The following PAM variants were observed in gnomAD, a reference collection of about 807,000 sequenced individuals.
PAM encodes the protein peptidyl-glycine alpha-amidating monooxygenase.
In PAM, 72 loss-of-function variants were observed where a neutral mutation model predicts 122.1. That is an observed-to-expected ratio of 0.59 (90% CI 0.49 to 0.72). PAM has a LOEUF of 0.72. Ranked by LOEUF, PAM falls within the 30% of genes least tolerant of loss-of-function variation. The probability of loss-of-function intolerance (pLI) is 0.00; values close to 1 mark genes in which losing one functional copy is unlikely to be tolerated. For synonymous variants in PAM, 389 were observed against 404.4 expected (o/e 0.96, Z 0.46); for missense variants, 1,106 against 1,183.7 (o/e 0.93, Z 0.96).
At chr5:102,971,813 C>A (rs555392584) in intron 14 of PAM, among the ~76,000 whole-genome samples, 1 of 152,212 alleles carries the variant, frequency 6.6e-6, no homozygotes, top group Non-Finnish European at 1.5e-5. Context: ...GTTAACATTT[C>A]AGGATTCCAT....
At chr5:103,017,494 T>G in intron 22 of PAM, 61 bp downstream of exon 22, 1 of 987,482 alleles carries the variant, frequency 1.0e-6, no homozygotes, top group Middle Eastern at 2.1e-4. Flanking sequence ...TAAAAGCATA[T>G]GAAACAAAAA....
chr5:102,770,653 T>TGATA (rs1192441574), intron 1 of PAM, among the ~76,000 whole-genome samples: 1 of 152,184 alleles, frequency 6.6e-6, no homozygotes, highest in Non-Finnish European at 1.5e-5. Context: ...TCTGTTAAGA[T>TGATA]GATATATCAC....
chr5:102,995,450 A>G (rs1296033430), intron 16 of PAM, among the ~76,000 whole-genome samples: 1 of 152,154 alleles, frequency 6.6e-6, no homozygotes, highest in Non-Finnish European at 1.5e-5. Flanking sequence ...CAATCCTAGT[A>G]AGAGAAAATC....
At chr5:102,824,680 A>G (rs917178011) in intron 1 of PAM, among the ~76,000 whole-genome samples, 3 of 152,232 alleles carry the variant, frequency 2.0e-5, no homozygotes, top group Non-Finnish European at 4.4e-5. Context: ...TGCTCAATAC[A>G]TGCTAAATGT....
chr5:103,002,738 A>T (rs1197690841), intron 16 of PAM, among the ~76,000 whole-genome samples: 1 of 152,190 alleles, frequency 6.6e-6, no homozygotes, highest in Non-Finnish European at 1.5e-5. Context: ...CTCAAACCCC[A>T]GTGAGCATAG....
intron 4 of PAM, 48 bp from the exon 5 acceptor site, chr5:102,913,886 C>A: frequency 1.9e-6 from 2 of 1,042,522 alleles, no homozygotes; most frequent in Admixed American, 1.7e-5. Context: ...CTTTGGTGCA[C>A]AGAAGTGTAA....
At chr5:102,827,327 A>T (rs1401153762) in intron 1 of PAM, among the ~76,000 whole-genome samples, 1 of 152,222 alleles carries the variant, frequency 6.6e-6, no homozygotes, top group Non-Finnish European at 1.5e-5. Flanking sequence ...CCAAAAAAAA[A>T]TCCAAAACCT....
At chr5:102,808,478 T>G (rs961553823) in intron 1 of PAM, among the ~76,000 whole-genome samples, 1 of 152,204 alleles carries the variant, frequency 6.6e-6, no homozygotes, top group African/African-American at 2.4e-5. Context: ...CGCCTGCTAC[T>G]CTCCCTGGTA....
chr5:102,919,638 G>A (rs1481889338), intron 5 of PAM, among the ~76,000 whole-genome samples: 4 of 152,136 alleles, frequency 2.6e-5, no homozygotes, highest in African/African-American at 9.7e-5. Flanking sequence ...GTCATTGAGT[G>A]CAGTAGCAAT....
At chr5:102,918,479 T>C (rs1415576596) in intron 5 of PAM, among the ~76,000 whole-genome samples, 1 of 152,120 alleles carries the variant, frequency 6.6e-6, no homozygotes, top group Non-Finnish European at 1.5e-5. Flanking sequence ...ATTTACTATT[T>C]AAGTAAATTT....
At chr5:102,938,081 A>G (rs1010154012) in intron 7 of PAM, among the ~76,000 whole-genome samples, 1 of 152,134 alleles carries the variant, frequency 6.6e-6, no homozygotes, top group Non-Finnish European at 1.5e-5. Flanking sequence ...ATTATACACA[A>G]GCAGCTTGAT....
chr5:103,027,414 C>T (rs543950969), intron 24 of PAM, among the ~76,000 whole-genome samples: 3 of 152,240 alleles, frequency 2.0e-5, no homozygotes, highest in South Asian at 2.1e-4. Context: ...ACAGGACAAC[C>T]CCAGGCCTGA....
At chr5:102,994,699 A>C (rs1408292051) in intron 16 of PAM, among the ~76,000 whole-genome samples, 1 of 152,162 alleles carries the variant, frequency 6.6e-6, no homozygotes, top group Non-Finnish European at 1.5e-5. Flanking sequence ...GTTTATGCTT[A>C]TGCAGTGTTT....
chr5:102,974,196 A>G lies in PAM; in HGVS notation c.1243A>G (p.Lys415Glu). 6.2e-7 allele frequency: 1 copy of G among 1,613,928 alleles called. No individual in the cohort carries two copies. The highest frequency in any genetic ancestry group is 8.5e-7 in the Non-Finnish European group (1 of 1,179,864). ...VHVHKYNPTE[K>E]AESESDLVAE... ...TGTGCACAAATATAATCCTACAGAA[A>G]AGGCAGAATCAGAGTCAGACCTGGT... The change falls in exon 15 of 26, where the codon AAG becomes GAG. Residue 415 changes from lysine to glutamate, a missense_variant. Transcript: ENST00000438793.
At chr5:102,780,523 G>A (rs1758432809) in intron 1 of PAM, among the ~76,000 whole-genome samples, 1 of 151,978 alleles carries the variant, frequency 6.6e-6, no homozygotes, top group African/African-American at 2.4e-5. Flanking sequence ...TGATTTGTAG[G>A]ACATTTGAGA....
chr5:103,010,423 CT>C (rs1780264316), intron 21 of PAM, among the ~76,000 whole-genome samples: 3 of 152,118 alleles, frequency 2.0e-5, no homozygotes. Flanking sequence ...TTCTAACGTG[CT>C]TTTTATAAAC....
chr5:102,941,777 A>AT (rs1456359493), intron 7 of PAM, among the ~76,000 whole-genome samples: 2 of 122,194 alleles, frequency 1.6e-5, no homozygotes, highest in Non-Finnish European at 3.2e-5. Context: ...GATGACCACC[A>AT]TTTTTTTGAG....
At chr5:102,824,524 C>T (rs936264569) in intron 1 of PAM, among the ~76,000 whole-genome samples, 5 of 152,172 alleles carry the variant, frequency 3.3e-5, no homozygotes, top group African/African-American at 7.2e-5. Context: ...CCAACACTTA[C>T]ACTATATTTG....
intron 4 of PAM, among the ~76,000 whole-genome samples, chr5:102,906,783 T>C (rs931407367): frequency 6.6e-5 from 10 of 151,754 alleles, no homozygotes; most frequent in Middle Eastern, 3.4e-3. Context: ...ATTGCCATAT[T>C]GGAAATGTAG....
Sources: gnomAD v4.1 joint callset for allele counts (sites outside exome capture counted in the v4.1 genomes callset) on GRCh38, gnomAD v4.1.1 for gene constraint, MANE v1.5 for transcripts, NCBI Gene and HGNC (gene_info 2026-07-23, HGNC 2026-07-21) for gene names.